The following PCDHA4 variants were observed in gnomAD, a reference collection of about 807,000 sequenced individuals.
The protein encoded by PCDHA4 is protocadherin alpha-4.
PCDHA4 carries 49 observed loss-of-function variants against 61.4 expected under a neutral mutation model. The observed-to-expected ratio is 0.80, with a 90% CI of 0.63 to 1.01. The LOEUF (loss-of-function observed/expected upper bound fraction) is 1.01. PCDHA4 is among the 50% of genes least tolerant of loss of function. PCDHA4 has a pLI of 0.00. For synonymous variants in PCDHA4, 590 were observed against 550.3 expected (o/e 1.07, Z -1.01); for missense variants, 1,254 against 1,235.8 (o/e 1.01, Z -0.22).
chr5:140,983,359 A>G (rs1310994731), intron 3 of PCDHA4, among the ~76,000 whole-genome samples: 1 of 152,254 alleles, frequency 6.6e-6, no homozygotes, highest in African/African-American at 2.4e-5. Flanking sequence ...TAATAGAAAT[A>G]TGGCTTTGGA....
intron 1 of PCDHA4, chr5:140,868,003 A>C (rs1166493353): frequency 6.6e-6 from 1 of 152,130 alleles, no homozygotes; most frequent in South Asian, 2.1e-4. Context: ...AATATAACTG[A>C]ATTAGATTAA....
Position 140,807,497 on chromosome 5 carries a change from A to T in PCDHA4, c.310A>T (p.Ile104Phe). 6.2e-7 allele frequency: 1 copy of T among 1,613,722 alleles called. No individual in the cohort carries two copies. Among genetic ancestry groups the T allele is most frequent in the African/African-American group, 1.3e-5 (1 of 74,896 alleles). Residue 104 changes from isoleucine (I) to phenylalanine (F), a missense_variant, in exon 1 of 4, where the codon ATC (isoleucine) becomes TTC (phenylalanine). Transcript: ENST00000530339. ...ELCRRSAECS[I>F]HLEVIVDRPL... Reference sequence around the variant, plus strand: ...GTGCCGGCGGAGCGCGGAGTGCAGCATCCACCTGGAGGTGATCGTAGACAG... The same window carrying T: ...GTGCCGGCGGAGCGCGGAGTGCAGCTTCCACCTGGAGGTGATCGTAGACAG...
intron 3 of PCDHA4, chr5:140,989,112 T>C (rs1312650713): frequency 1.3e-5 from 2 of 152,222 alleles, no homozygotes; most frequent in Non-Finnish European, 2.9e-5. Context: ...CTTTTGAATA[T>C]ATCTTAGAAA....
intron 1 of PCDHA4, among the ~76,000 whole-genome samples, chr5:140,826,351 C>T (rs1284883588): frequency 6.6e-6 from 1 of 151,972 alleles, no homozygotes; most frequent in Non-Finnish European, 1.5e-5. Flanking sequence ...CCTTTGTTTG[C>T]CCAAAATAAC....
chr5:140,925,951 A>G (rs1057448284), intron 1 of PCDHA4, among the ~76,000 whole-genome samples: 2 of 152,102 alleles, frequency 1.3e-5, no homozygotes, highest in Admixed American at 1.3e-4. Flanking sequence ...GAGAAGGAGA[A>G]ACTGCTATCA....
chr5:140,943,357 A>G (rs974685573), intron 1 of PCDHA4, among the ~76,000 whole-genome samples: 3 of 152,026 alleles, frequency 2.0e-5, no homozygotes, highest in Non-Finnish European at 4.4e-5. Flanking sequence ...AGTAGAGGAA[A>G]GGAGATCATT....
In PCDHA4 at chr5:140,904,730, A is replaced by AT. The variant is rs538757271; in HGVS notation, c.2386-74212dup. 7.6e-4 allele frequency among the ~76,000 whole-genome samples: 116 copies of AT among 152,104 alleles called. 1 individual carries two copies. The highest frequency in any genetic ancestry group is 6.8e-3 in the Middle Eastern group (2 of 294). On this transcript the variant is annotated intron_variant, in intron 1 of 3. Transcript: ENST00000530339. ...CACCACATTCTGGCCAACATCTATT[A>AT]TTTTTTTATTATGACCATTTTTGCA...
chr5:140,923,865 A>G (rs1422887617), intron 1 of PCDHA4, among the ~76,000 whole-genome samples: 1 of 152,226 alleles, frequency 6.6e-6, no homozygotes, highest in Non-Finnish European at 1.5e-5. Flanking sequence ...GGGAAGCCAA[A>G]AATCTGAGAA....
At chr5:140,862,964 G>T (rs782069131) in intron 1 of PCDHA4, 2 of 544,720 alleles carry the variant, frequency 3.7e-6, no homozygotes, top group South Asian at 2.8e-5. Context: ...TTCAGTGGAT[G>T]CAGGCCACTT....
intron 1 of PCDHA4, among the ~76,000 whole-genome samples, chr5:140,973,258 C>T (rs952911948): frequency 1.3e-5 from 2 of 152,168 alleles, no homozygotes; most frequent in African/African-American, 4.8e-5. Flanking sequence ...CTTTCAGTGG[C>T]ACCTACTTTT....
intron 1 of PCDHA4, chr5:140,835,711 T>A: frequency 6.2e-7 from 1 of 1,613,776 alleles, no homozygotes; most frequent in Non-Finnish European, 8.5e-7. Context: ...AGCGTGTCCG[T>A]GGAGGTGGCC....
chr5:140,904,139 A>G lies in PCDHA4; in HGVS notation c.2386-74810A>G, dbSNP rs557435150. On this transcript the variant is annotated intron_variant, in intron 1 of 3. Coordinates refer to ENST00000530339, the MANE Select transcript of PCDHA4 (RefSeq NM_018907.4). ...ATTTTGGTGCACCCATCACCCGAGCAGTATACATTGCACCCAGTTTGTAGT... is the reference window on the plus strand; with the variant it reads ...ATTTTGGTGCACCCATCACCCGAGCGGTATACATTGCACCCAGTTTGTAGT... Among the ~76,000 whole-genome samples, 4 of 152,286 alleles carry G rather than the reference A, an allele frequency of 2.6e-5. No homozygotes were observed. The East Asian group carries it at 7.7e-4, about 29-fold the overall frequency.
At chr5:140,984,576 C>G (rs1309554018) in intron 3 of PCDHA4, among the ~76,000 whole-genome samples, 1 of 152,104 alleles carries the variant, frequency 6.6e-6, no homozygotes, top group African/African-American at 2.4e-5. Context: ...CCATGGCAAC[C>G]TAATCATACT....
At chr5:140,850,821 C>T in intron 1 of PCDHA4, 1 of 1,598,302 alleles carries the variant, frequency 6.3e-7, no homozygotes, top group Non-Finnish European at 8.6e-7. Flanking sequence ...CAGCCCGGGC[C>T]TTTCTCCTTG....
At chr5:140,897,566 A>C (rs1461105293) in intron 1 of PCDHA4, among the ~76,000 whole-genome samples, 1 of 151,760 alleles carries the variant, frequency 6.6e-6, no homozygotes, top group Non-Finnish European at 1.5e-5. Flanking sequence ...TATGTGCCAC[A>C]TTTTCTTAAT....
chr5:140,926,665 G>C, intron 1 of PCDHA4: 1 of 538,906 alleles, frequency 1.9e-6, no homozygotes, highest in Non-Finnish European at 2.9e-6. Context: ...TTTCCCAGAC[G>C]GCTGCCCAGC....
intron 1 of PCDHA4, chr5:140,927,539 A>G (rs1554204701): frequency 6.2e-7 from 1 of 1,614,112 alleles, no homozygotes; most frequent in Non-Finnish European, 8.5e-7. Flanking sequence ...CGCTCAGGAG[A>G]CGCACAAGTC....
intron 3 of PCDHA4, among the ~76,000 whole-genome samples, chr5:140,995,873 C>T (rs1554254864): frequency 6.6e-6 from 1 of 152,126 alleles, no homozygotes; most frequent in Non-Finnish European, 1.5e-5. Flanking sequence ...AATTGTGCAA[C>T]CTGTGCTTCA....
chr5:140,872,246 G>A (rs2053563930), intron 1 of PCDHA4, among the ~76,000 whole-genome samples: 1 of 151,488 alleles, frequency 6.6e-6, no homozygotes, highest in Non-Finnish European at 1.5e-5. Flanking sequence ...TTATTCCTGT[G>A]ATAATACTTG....
Sources: allele counts gnomAD v4.1 joint callset (sites outside exome capture counted in the v4.1 genomes callset), GRCh38; gene constraint gnomAD v4.1.1; transcripts MANE v1.5; gene names NCBI Gene and HGNC (gene_info 2026-07-23, HGNC 2026-07-21).